The following ZNF618 variants were observed in gnomAD, a reference collection of about 807,000 sequenced individuals.
The protein encoded by ZNF618 is zinc finger protein 618.
Under a neutral mutation model 103.0 loss-of-function variants are expected in ZNF618, and 34 were observed. The observed-to-expected ratio is 0.33, with a 90% CI of 0.25 to 0.44. The LOEUF is 0.44. ZNF618 is among the 20% of genes least tolerant of loss of function. The pLI is 1.00. For synonymous variants in ZNF618, 551 were observed against 542.2 expected, an observed-to-expected ratio of 1.02 and a Z score of -0.23; for missense variants, 1,059 against 1,295.4, an observed-to-expected ratio of 0.82 and a Z score of 2.80.
intron 1 of ZNF618, among the ~76,000 whole-genome samples, chr9:113,940,839 C>G (rs1258973136): frequency 2.0e-5 from 3 of 152,114 alleles, no homozygotes; most frequent in Non-Finnish European, 2.9e-5. Flanking sequence ...GTTTTAGCTC[C>G]TGGCCTACCT....
At chr9:113,937,260 C>T (rs1834110806) in intron 1 of ZNF618, among the ~76,000 whole-genome samples, 3 of 152,190 alleles carry the variant, frequency 2.0e-5, no homozygotes, top group Admixed American at 2.0e-4. Flanking sequence ...CCTCCTCTTT[C>T]CCCCACCCCA....
chr9:114,013,219 C>T (rs1334744243), intron 9 of ZNF618, among the ~76,000 whole-genome samples: 4 of 151,928 alleles, frequency 2.6e-5, no homozygotes, highest in East Asian at 1.9e-4. Context: ...TTCTGTGTAC[C>T]CATCTTCACA....
At chr9:113,914,578 G>A (rs1247614220) in intron 1 of ZNF618, among the ~76,000 whole-genome samples, 3 of 152,198 alleles carry the variant, frequency 2.0e-5, no homozygotes, top group African/African-American at 7.2e-5. Flanking sequence ...AAATGCTAGT[G>A]TAAAGAAGAT....
At chr9:113,995,570 A>C (rs571154338) in intron 3 of ZNF618, among the ~76,000 whole-genome samples, 4 of 152,266 alleles carry the variant, frequency 2.6e-5, no homozygotes, top group South Asian at 2.1e-4. Context: ...CTGGCAGTGG[A>C]TAGAGTTTTG....
In ZNF618 at chr9:114,027,677, C is replaced by T. The variant is rs539302736; in HGVS notation, c.845-1056C>T. Among the ~76,000 whole-genome samples the T allele has an allele frequency of 3.9e-5, 6 of 152,286 alleles. No homozygotes were observed. In the South Asian group the frequency reaches 6.2e-4, roughly 16 times the overall value. On this transcript the variant is annotated intron_variant, in intron 10 of 14. Transcript: ENST00000374126. The stretch of plus-strand genomic sequence containing the variant: ...TAGGCTCTGCATACAGTGCCCAGGA[C>T]GGACGCTGTCTTAGGAGCAGGGAGA...
chr9:113,891,796 A>C (rs539596380), intron 1 of ZNF618, among the ~76,000 whole-genome samples: 1 of 152,350 alleles, frequency 6.6e-6, no homozygotes, highest in East Asian at 1.9e-4. Flanking sequence ...TATTAACACT[A>C]CTGGATTGTA....
At chr9:114,047,513 T>G (rs1229715988) in intron 13 of ZNF618, among the ~76,000 whole-genome samples, 1 of 152,168 alleles carries the variant, frequency 6.6e-6, no homozygotes, top group Non-Finnish European at 1.5e-5. Context: ...ACTCCCTCCC[T>G]TCCCTCCATA....
At chr9:113,878,318 A>G (rs1265909806) in intron 1 of ZNF618, among the ~76,000 whole-genome samples, 2 of 152,180 alleles carry the variant, frequency 1.3e-5, no homozygotes, top group African/African-American at 4.8e-5. Flanking sequence ...AAGAAATGTG[A>G]TATAACACCA....
At chr9:113,955,125 A>G (rs2132423489) in intron 1 of ZNF618, among the ~76,000 whole-genome samples, 1 of 149,288 alleles carries the variant, frequency 6.7e-6, no homozygotes, top group African/African-American at 2.5e-5. Flanking sequence ...GCCTCCATTT[A>G]AAGGGCCTAG....
intron 11 of ZNF618, 74 bp downstream of exon 11, chr9:114,029,046 G>T (rs1222229235): frequency 1.3e-5 from 19 of 1,495,878 alleles, no homozygotes; most frequent in Non-Finnish European, 1.7e-5. Flanking sequence ...GCTGTGCCTG[G>T]GGTTGTTGTT....
intron 1 of ZNF618, among the ~76,000 whole-genome samples, chr9:113,911,093 C>A (rs1051223183): frequency 2.3e-4 from 35 of 152,202 alleles, no homozygotes; most frequent in Non-Finnish European, 5.9e-5. Flanking sequence ...CTTGGCCTTC[C>A]AAAGTGCTGG....
intron 13 of ZNF618, 131 bp from the exon 14 acceptor site, chr9:114,047,762 C>T (rs1845786275): frequency 4.4e-6 from 3 of 686,354 alleles, no homozygotes; most frequent in East Asian, 2.8e-5. Context: ...AAGGAGGAGC[C>T]AGGATTTTAA....
intron 9 of ZNF618, 40 bp downstream of exon 9, chr9:114,008,594 G>T (rs1253799041): frequency 1.2e-6 from 2 of 1,608,910 alleles, no homozygotes; most frequent in Non-Finnish European, 1.7e-6. Context: ...CTGGGTGGGG[G>T]CTGGCCAAGG....
chr9:114,036,256 C>A, intron 12 of ZNF618, 44 bp from the exon 13 acceptor site: 1 of 1,537,914 alleles, frequency 6.5e-7, no homozygotes, highest in Non-Finnish European at 8.8e-7. Context: ...AAGGTGTCTG[C>A]GTCGGTTCCA....
chr9:113,928,340 A>C (rs1304272867), intron 1 of ZNF618, among the ~76,000 whole-genome samples: 1 of 152,182 alleles, frequency 6.6e-6, no homozygotes, highest in African/African-American at 2.4e-5. Context: ...TTCCATTAGA[A>C]CCCTAAACAT....
At chr9:114,027,142 T>C (rs1482877596) in intron 10 of ZNF618, among the ~76,000 whole-genome samples, 1 of 151,998 alleles carries the variant, frequency 6.6e-6, no homozygotes, top group African/African-American at 2.4e-5. Context: ...AGACAAGCAA[T>C]CACCTGGTGG....
rs372778230 is a variant in ZNF618 at position 113,940,738 on chromosome 9, CAG to C, written c.34-28374_34-28373del. 3.4e-3 allele frequency among the ~76,000 whole-genome samples: 516 copies of C among 152,232 alleles called. 6 individuals are homozygous for C. The highest frequency in any genetic ancestry group is 0.012 in the African/African-American group (495 of 41,536). ...CTCACAAGTAGTTGCAAGTACAATGCAGAGAGTTCCCACCCTTCATCCAGCTT... is the reference window on the plus strand; with the variant it reads ...CTCACAAGTAGTTGCAAGTACAATGCAGAGTTCCCACCCTTCATCCAGCTT... On this transcript the variant is annotated intron_variant, in intron 1 of 14. Coordinates refer to ENST00000374126, the MANE Select transcript of ZNF618 (RefSeq NM_001318042.2).
At chr9:114,041,577 A>T (rs1289778865) in intron 13 of ZNF618, among the ~76,000 whole-genome samples, 5 of 152,210 alleles carry the variant, frequency 3.3e-5, no homozygotes, top group Non-Finnish European at 5.9e-5. Context: ...ACCATTTATT[A>T]AATAGGGAAT....
At chr9:113,906,488 T>G (rs1831002757) in intron 1 of ZNF618, among the ~76,000 whole-genome samples, 1 of 151,882 alleles carries the variant, frequency 6.6e-6, no homozygotes, top group Non-Finnish European at 1.5e-5. Flanking sequence ...TGGGGGTGGC[T>G]GGGGAGGAGG....
Sources: allele counts gnomAD v4.1 joint callset (sites outside exome capture counted in the v4.1 genomes callset), GRCh38; gene constraint gnomAD v4.1.1; transcripts MANE v1.5; gene names NCBI Gene and HGNC (gene_info 2026-07-23, HGNC 2026-07-21).